UBE2E1: variants seen among roughly 807,000 people sequenced by gnomAD.
UBE2E1 encodes ubiquitin conjugating enzyme E2 E1, also known as ubiquitin-conjugating enzyme E2 E1.
UBE2E1 carries 6 observed loss-of-function variants against 21.4 expected under a neutral mutation model. The ratio of observed to expected loss-of-function variants is 0.28; its 90% CI spans 0.15 to 0.55. The LOEUF (loss-of-function observed/expected upper bound fraction) is 0.55. Among genes scored for constraint, UBE2E1 ranks in the 20% least tolerant of loss-of-function variants. The pLI is 0.93. For missense variants in UBE2E1, 142 were observed against 236.5 expected (o/e 0.60, Z 2.62); for synonymous variants, 87 against 82.7 (o/e 1.05, Z -0.28).
rs58491698 is a variant in UBE2E1 at position 23,842,249 on chromosome 3, G to GT, written c.203+30739_203+30740insT. Among the ~76,000 whole-genome samples the GT allele has an allele frequency of 0.3, 28,623 of 94,112 alleles. 4,769 individuals carry two copies. Among genetic ancestry groups the GT allele is most frequent in the Non-Finnish European group, 0.35 (16,180 of 46,382 alleles). 61.7% of individuals were successfully genotyped at this position (94,112 alleles called of 152,430 possible). ...TGTGTGTGTGTGTGTGTGTGTGTGT[G>GT]GTGTTGTTGTTGTTGGCGACAGGGT... is the stretch of plus-strand genomic sequence containing the variant. On this transcript the variant is annotated intron_variant, in intron 3 of 5. Coordinates refer to ENST00000306627, the MANE Select transcript of UBE2E1 (RefSeq NM_003341.5). This position sits in a 1 kb window ranked among gnomAD's most constrained non-coding sequence, Gnocchi z 4.6.
intron 3 of UBE2E1, among the ~76,000 whole-genome samples, chr3:23,865,240 G>A (rs1389267289): frequency 6.6e-6 from 1 of 152,174 alleles, no homozygotes; most frequent in African/African-American, 2.4e-5. Flanking sequence ...TGGGACTGAG[G>A]CCCAGGCAAC....
rs72627046 is a variant in UBE2E1, at chr3:23,873,098, A to C, written c.204-14469A>C. ...TTTAATGTCTGACTTCTTAGCAGACAGGTAGATTTTCATACCTGCTTCTGC... is the reference window on the plus strand; with the variant it reads ...TTTAATGTCTGACTTCTTAGCAGACCGGTAGATTTTCATACCTGCTTCTGC... On this transcript the variant is annotated intron_variant, in intron 3 of 5. Transcript: ENST00000306627. 3.6e-3 allele frequency among the ~76,000 whole-genome samples: 546 copies of C among 152,336 alleles called. 16 individuals are homozygous for C. In the East Asian group the frequency reaches 0.049, roughly 14 times the overall value.
intron 3 of UBE2E1, among the ~76,000 whole-genome samples, chr3:23,869,952 T>C (rs1432211326): frequency 6.6e-6 from 1 of 152,160 alleles, no homozygotes; most frequent in African/African-American, 2.4e-5. Context: ...ATTATGATTA[T>C]AATCTTTCAT....
intron 3 of UBE2E1, among the ~76,000 whole-genome samples, chr3:23,815,625 C>T (rs1699498504): frequency 6.6e-6 from 1 of 152,160 alleles, no homozygotes; most frequent in South Asian, 2.1e-4. Context: ...TCCCAGGCTG[C>T]TCATCATGGT....
chr3:23,813,605 T>C (rs1699448452), intron 3 of UBE2E1, among the ~76,000 whole-genome samples: 1 of 152,142 alleles, frequency 6.6e-6, no homozygotes, highest in Non-Finnish European at 1.5e-5. Flanking sequence ...TGCAGTGGCA[T>C]GATTTCGGCT....
chr3:23,838,370 C>A (rs557712607), intron 3 of UBE2E1, among the ~76,000 whole-genome samples: 6 of 151,996 alleles, frequency 3.9e-5, no homozygotes, highest in African/African-American at 1.4e-4. Flanking sequence ...CCTGGACTAG[C>A]GGTTTCTTTT....
chr3:23,850,817 A>C (rs1700306988), intron 3 of UBE2E1, among the ~76,000 whole-genome samples: 1 of 139,666 alleles, frequency 7.2e-6, no homozygotes, highest in African/African-American at 2.7e-5. Flanking sequence ...GGGACTACAG[A>C]TGTGCGCCAC....
chr3:23,817,086 TACTC>T (rs1699538311), intron 3 of UBE2E1, among the ~76,000 whole-genome samples: 1 of 152,208 alleles, frequency 6.6e-6, no homozygotes, highest in Non-Finnish European at 1.5e-5. Context: ...TAGAAGGCAA[TACTC>T]ACAGTTTTTG....
At chr3:23,868,294 TTTTA>T (rs1442363481) in intron 3 of UBE2E1, among the ~76,000 whole-genome samples, 13 of 152,072 alleles carry the variant, frequency 8.5e-5, no homozygotes, top group South Asian at 2.1e-4. Flanking sequence ...CCATAGTTAC[TTTTA>T]TTTTTTATTT....
In UBE2E1 at chr3:23,831,953, G is replaced by A. The variant is rs1267186800; in HGVS notation, c.203+20443G>A. ...GAGCTCAGGTGATTCGCCTGCCTCC[G>A]CCTCCGCCTCCCAAAGTGCTGAGGT... On this transcript the variant is annotated intron_variant, in intron 3 of 5. Coordinates refer to ENST00000306627, the MANE Select transcript of UBE2E1 (RefSeq NM_003341.5). Among the ~76,000 whole-genome samples, 9 of 152,104 alleles carry A rather than the reference G, an allele frequency of 5.9e-5. 1 individual carries two copies. The highest frequency in any genetic ancestry group is 4.6e-4 in the Admixed American group (7 of 15,274).
chr3:23,810,201 A>T lies in UBE2E1; in HGVS notation c.153-1259A>T, dbSNP rs781401554. On this transcript the variant is annotated intron_variant, in intron 2 of 5. Coordinates refer to ENST00000306627, the MANE Select transcript of UBE2E1 (RefSeq NM_003341.5). The surrounding 1 kb of genome is among the most constrained non-coding windows in gnomAD (Gnocchi z 5.8). Reference sequence around the variant, plus strand: ...CGGTGAGATTTTTAAGTTGTAACATAGCCCCATTGGGCTTTATATGATAGG... The same window carrying T: ...CGGTGAGATTTTTAAGTTGTAACATTGCCCCATTGGGCTTTATATGATAGG... Among the ~76,000 whole-genome samples, 2 of 152,230 alleles carry T rather than the reference A, an allele frequency of 1.3e-5. No homozygotes were observed. Among genetic ancestry groups the T allele is most frequent in the Non-Finnish European group, 2.9e-5 (2 of 68,044 alleles).
In UBE2E1 at chr3:23,806,647, G is replaced by C. The variant is rs1699278803; in HGVS notation, c.-34+559G>C. Among the ~76,000 whole-genome samples the C allele has an allele frequency of 6.6e-6, 1 of 151,536 alleles. No individual in the cohort carries two copies. The highest frequency in any genetic ancestry group is 2.4e-5 in the African/African-American group (1 of 41,374). On this transcript the variant is annotated intron_variant, in intron 1 of 5. Transcript: ENST00000306627. The surrounding 1 kb of genome is among the most constrained non-coding windows in gnomAD (Gnocchi z 6.5). ...GCCGGGAGGGGCGTCGGGGCGCGGC[G>C]CGGGGGGGCCTCGGGCCTCGTCGCC...
rs2125336797 is a variant in UBE2E1, at chr3:23,890,724, T to C, written c.*118T>C. ...GAGTAGGGTATTTCTATAACAGATA[T>C]TATTCAGTCTTATTTCCTAAGATTT... On this transcript the variant is annotated 3_prime_UTR_variant, in exon 6 of 6. Coordinates refer to ENST00000306627, the MANE Select transcript of UBE2E1 (RefSeq NM_003341.5). The C allele has an allele frequency of 3.7e-6, 3 of 820,378 alleles. No individual in the cohort carries two copies. The highest frequency in any genetic ancestry group is 5.3e-6 in the Non-Finnish European group (3 of 562,356). 50.8% of individuals were successfully genotyped at this position (820,378 alleles called of 1,614,324 possible).
At chr3:23,845,802 A>T (rs1184150035) in intron 3 of UBE2E1, among the ~76,000 whole-genome samples, 2 of 152,190 alleles carry the variant, frequency 1.3e-5, no homozygotes, top group Non-Finnish European at 2.9e-5. Context: ...TTCATAAATG[A>T]AAAAATGTGG....
At chr3:23,811,957 AT>A (rs1028228705) in intron 3 of UBE2E1, among the ~76,000 whole-genome samples, 10 of 152,226 alleles carry the variant, frequency 6.6e-5, no homozygotes, top group Admixed American at 6.5e-4. Flanking sequence ...TAGCATATAG[AT>A]TTTTTATTAG....
rs1010266262 is a variant in UBE2E1 at position 23,816,433 on chromosome 3, G to A, written c.203+4923G>A. Reference sequence around the variant, plus strand: ...TAATGTTATACTAAGTGGGCTGGGCGCAGTGGATTACGCTTGTAATCCCAG... The same window carrying A: ...TAATGTTATACTAAGTGGGCTGGGCACAGTGGATTACGCTTGTAATCCCAG... On this transcript the variant is annotated intron_variant, in intron 3 of 5. Transcript: ENST00000306627. The surrounding 1 kb of genome is among the most constrained non-coding windows in gnomAD (Gnocchi z 4.8). Among the ~76,000 whole-genome samples, 1 of 152,172 alleles carries A rather than the reference G, an allele frequency of 6.6e-6. No homozygotes were observed. Among genetic ancestry groups the A allele is most frequent in the Non-Finnish European group, 1.5e-5 (1 of 68,036 alleles).
At chr3:23,813,906 T>C (rs1699456682) in intron 3 of UBE2E1, among the ~76,000 whole-genome samples, 1 of 152,202 alleles carries the variant, frequency 6.6e-6, no homozygotes, top group Non-Finnish European at 1.5e-5. Flanking sequence ...ATTAAGTGCG[T>C]ACATGTTTAA....
intron 3 of UBE2E1, among the ~76,000 whole-genome samples, chr3:23,830,683 G>A (rs866083264): frequency 2.0e-5 from 3 of 152,172 alleles, no homozygotes; most frequent in Admixed American, 2.0e-4. Context: ...CCTGGATGTG[G>A]AAACTGTCCC....
Position 23,890,836 on chromosome 3 carries a change from A to G in UBE2E1, c.*230A>G. The G allele has an allele frequency of 7.6e-6, 3 of 397,198 alleles. No homozygotes were observed. The highest frequency in any genetic ancestry group is 5.5e-5 in the South Asian group (1 of 18,150). The allele number at this position is 397,198 out of a possible 1,614,324, so 24.6% of individuals were successfully genotyped here. A position where few individuals can be genotyped will look rare whatever the true frequency, so the allele number is the denominator to read the frequency against. On this transcript the variant is annotated 3_prime_UTR_variant, in exon 6 of 6. Transcript: ENST00000306627. ...GTCATTAGTTCTGCAATATTAGCTG[A>G]AATGTAGTACAGAAAAGAATGTACA...
Sources: allele counts gnomAD v4.1 joint callset (sites outside exome capture counted in the v4.1 genomes callset), GRCh38; gene constraint gnomAD v4.1.1; non-coding constraint Gnocchi (gnomAD v3.1); transcripts MANE v1.5; gene names NCBI Gene and HGNC (gene_info 2026-07-23, HGNC 2026-07-21).